Variants in CNN3 observed in about 807,000 individuals in gnomAD.
CNN3 encodes calponin-3.
CNN3 carries 11 observed loss-of-function variants against 39.0 expected under a neutral mutation model. That is an observed-to-expected ratio of 0.28 (90% CI 0.18 to 0.47). The LOEUF is 0.47. Ranked by LOEUF, CNN3 falls within the 20% of genes least tolerant of loss-of-function variation. CNN3 has a pLI of 0.99. For synonymous variants in CNN3, 101 were observed against 138.3 expected (o/e 0.73, Z 1.89); for missense variants, 266 against 403.4 (o/e 0.66, Z 2.92).
chr1:94,910,716 C>T (rs1233533866), intron 1 of CNN3, among the ~76,000 whole-genome samples: 1 of 152,196 alleles, frequency 6.6e-6, no homozygotes, highest in Non-Finnish European at 1.5e-5. Flanking sequence ...AGACTCCTTC[C>T]TTCCAGGGCC....
At chr1:94,922,108 C>T (rs1477644642) in intron 1 of CNN3, among the ~76,000 whole-genome samples, 1 of 152,114 alleles carries the variant, frequency 6.6e-6, no homozygotes, top group Non-Finnish European at 1.5e-5. Flanking sequence ...ATAATATTAA[C>T]TATTTAACTA....
chr1:94,915,527 A>C (rs1671259260), intron 1 of CNN3, among the ~76,000 whole-genome samples: 1 of 152,224 alleles, frequency 6.6e-6, no homozygotes. Flanking sequence ...ATCTGAGAGC[A>C]TGGATGAGGG....
In CNN3 at chr1:94,903,385, T is replaced by G. The variant is rs766347065; in HGVS notation, c.179+18A>C. ...GAACTGGAAGAGCAGAAACAGATTC[T>G]GGAGGGCTGTAACTCACTCGCAGAG... On this transcript the variant is annotated intron_variant, in intron 2 of 6. Transcript: ENST00000370206. 3 of 1,566,756 alleles carry G rather than the reference T, an allele frequency of 1.9e-6. No individual in the cohort carries two copies. Among genetic ancestry groups the G allele is most frequent in the Non-Finnish European group, 1.7e-6 (2 of 1,159,126 alleles).
chr1:94,903,627 T>C, intron 1 of CNN3, 103 bp from the exon 2 acceptor site: 4 of 1,470,760 alleles, frequency 2.7e-6, no homozygotes, highest in Non-Finnish European at 3.7e-6. Context: ...ACCACAGCTG[T>C]GAAGTGTAGT....
At position 94,903,591 on chromosome 1, in the gene CNN3, G is replaced by A. The variant is rs1044684244; in HGVS notation, c.58-67C>T. ...GCATCAGAAACTGCCGACTCACAAC[G>A]CGCTCTGCTTTCACTAGCCATTAAG... On this transcript the variant is annotated intron_variant, in intron 1 of 6. Transcript: ENST00000370206. 5.6e-6 allele frequency: 9 copies of A among 1,598,608 alleles called. No individual in the cohort carries two copies. The African/African-American group carries it at 6.7e-5, about 12-fold the overall frequency.
chr1:94,914,321 C>G (rs1671232077), intron 1 of CNN3, among the ~76,000 whole-genome samples: 1 of 152,176 alleles, frequency 6.6e-6, no homozygotes, highest in African/African-American at 2.4e-5. Context: ...AACTCTTCAG[C>G]AAGCCCGCTC....
Position 94,903,529 on chromosome 1 carries a change from AATAC to A in CNN3, c.58-9_58-6del. On this transcript the variant is annotated splice_region_variant and splice_polypyrimidine_tract_variant and intron_variant, in intron 1 of 6. Transcript: ENST00000370206. ...ATGATCATACTTGGAAGCAATCTGAAATACAGGTTAACTCACTTTAGAAGAATTT... is the reference window on the plus strand; with the variant it reads ...ATGATCATACTTGGAAGCAATCTGAAAGGTTAACTCACTTTAGAAGAATTT... 6.2e-7 allele frequency: 1 copy of A among 1,613,902 alleles called. No individual in the cohort carries two copies. The highest frequency in any genetic ancestry group is 8.5e-7 in the Non-Finnish European group (1 of 1,179,894).
intron 6 of CNN3, 134 bp downstream of exon 6, chr1:94,899,236 GC>G (rs915892727): frequency 1.1e-6 from 1 of 926,624 alleles, no homozygotes; most frequent in African/African-American, 1.7e-5. Context: ...TGATTATTTT[GC>G]TTTCCCAGCA....
Position 94,897,036 on chromosome 1 carries a change from T to C in CNN3, c.*706A>G, listed in dbSNP as rs1670740800. On this transcript the variant is annotated 3_prime_UTR_variant, in exon 7 of 7. Coordinates refer to ENST00000370206, the MANE Select transcript of CNN3 (RefSeq NM_001839.5). ...CTGAGAAATGCAGCAATAAATACAG[T>C]TGAAGAAAACAGAGCAACTCTACAT... is the stretch of plus-strand genomic sequence containing the variant. 6.5e-6 allele frequency: 1 copy of C among 152,900 alleles called. No individual in the cohort carries two copies. Among genetic ancestry groups the C allele is most frequent in the Non-Finnish European group, 1.5e-5 (1 of 68,018 alleles). 9.5% of individuals were successfully genotyped at this position (152,900 alleles called of 1,614,324 possible).
chr1:94,915,614 A>C (rs1457672787), intron 1 of CNN3, among the ~76,000 whole-genome samples: 1 of 152,188 alleles, frequency 6.6e-6, no homozygotes. Context: ...CTTGGAGATA[A>C]TACAGTAAAG....
intron 1 of CNN3, among the ~76,000 whole-genome samples, chr1:94,921,847 ATC>A (rs1298710379): frequency 2.6e-5 from 4 of 151,844 alleles, no homozygotes; most frequent in African/African-American, 9.7e-5. Flanking sequence ...TATCTTATTT[ATC>A]TGTTTTGGTC....
intron 1 of CNN3, 25 bp from the exon 2 acceptor site, chr1:94,903,549 AG>A (rs1557908933): frequency 6.2e-7 from 1 of 1,613,320 alleles, no homozygotes; most frequent in South Asian, 1.1e-5. Context: ...AACTCACTTT[AG>A]AAGAATTTCA....
chr1:94,924,951 C>G (rs1671540394), intron 1 of CNN3, among the ~76,000 whole-genome samples: 1 of 152,218 alleles, frequency 6.6e-6, no homozygotes, highest in Non-Finnish European at 1.5e-5. Flanking sequence ...GATAAATCCA[C>G]AGCTTTCATA....
chr1:94,899,070 C>T (rs1180353681), intron 6 of CNN3, among the ~76,000 whole-genome samples: 2 of 151,924 alleles, frequency 1.3e-5, no homozygotes, highest in Non-Finnish European at 2.9e-5. Context: ...AAAAAGTCAG[C>T]ATTTAAATGA....
chr1:94,903,445 G>C lies in CNN3; in HGVS notation c.137C>G (p.Pro46Arg), dbSNP rs1163917345. 1.2e-6 allele frequency: 2 copies of C among 1,610,112 alleles called. No individual in the cohort carries two copies. The highest frequency in any genetic ancestry group is 8.5e-7 in the Non-Finnish European group (1 of 1,178,638). Reference protein sequence around the residue: ...IEEVTGMSIGPNFQLGLKDGI... With the variant: ...IEEVTGMSIGRNFQLGLKDGI... The stretch of plus-strand genomic sequence containing the variant: ...ATCCTTTAAGCCCAGCTGGAAGTTG[G>C]GGCCAATGCTCATGCCTGTCACCTC... The change falls in exon 2 of 7, where the codon CCC becomes CGC. Residue 46 changes from proline (P) to arginine (R), a missense_variant. Coordinates refer to ENST00000370206, the MANE Select transcript of CNN3 (RefSeq NM_001839.5).
At chr1:94,903,949 A>G (rs1310400458) in intron 1 of CNN3, among the ~76,000 whole-genome samples, 1 of 152,220 alleles carries the variant, frequency 6.6e-6, no homozygotes, top group Non-Finnish European at 1.5e-5. Context: ...CACCTGGCCA[A>G]TACATAACAT....
chr1:94,906,042 G>A (rs1488713107), intron 1 of CNN3, among the ~76,000 whole-genome samples: 1 of 152,090 alleles, frequency 6.6e-6, no homozygotes, highest in East Asian at 1.9e-4. Flanking sequence ...GAGTGCAGTG[G>A]CGTGAACTCA....
chr1:94,926,936 G>T lies in CNN3; in HGVS notation c.-42C>A, dbSNP rs1346571677. On this transcript the variant is annotated 5_prime_UTR_variant, in exon 1 of 7. Transcript: ENST00000370206. The surrounding 1 kb of genome is among the most constrained non-coding windows in gnomAD (Gnocchi z 4.2). The stretch of plus-strand genomic sequence containing the variant: ...GGAAGAGACAGCGCTGGGGTCCGGG[G>T]TCTCTCGCACTTCGCTTCCCCGCTC... 2 of 1,592,834 alleles carry T rather than the reference G, an allele frequency of 1.3e-6. No homozygotes were observed. Among genetic ancestry groups the T allele is most frequent in the Non-Finnish European group, 1.7e-6 (2 of 1,167,444 alleles).
rs192061148 is a variant in CNN3, at chr1:94,926,263, C to A, written c.57+575G>T. 6.6e-6 allele frequency among the ~76,000 whole-genome samples: 1 copy of A among 152,220 alleles called. No homozygotes were observed. Among genetic ancestry groups the A allele is most frequent in the African/African-American group, 2.4e-5 (1 of 41,470 alleles). On this transcript the variant is annotated intron_variant, in intron 1 of 6. Transcript: ENST00000370206. The surrounding 1 kb of genome is among the most constrained non-coding windows in gnomAD (Gnocchi z 4.2). ...CAGAAGCAGCAGCAGCAATCTGCCT[C>A]CAAATGCCTCCCAGGCACCGAGATC...
Sources: gnomAD v4.1 joint callset for allele counts (sites outside exome capture counted in the v4.1 genomes callset) on GRCh38, gnomAD v4.1.1 for gene constraint, Gnocchi (gnomAD v3.1) non-coding constraint, MANE v1.5 for transcripts, NCBI Gene and HGNC (gene_info 2026-07-23, HGNC 2026-07-21) for gene names.